LYPD6: variants seen among roughly 807,000 people sequenced by gnomAD.
LYPD6 encodes the protein ly6/PLAUR domain-containing protein 6.
A neutral mutation model predicts 22.7 loss-of-function variants in LYPD6; 15 were observed. That is an observed-to-expected ratio of 0.66 (90% CI 0.44 to 1.02). The LOEUF (loss-of-function observed/expected upper bound fraction) is 1.02, where lower values mean the gene tolerates loss of function less well. Among genes scored for constraint, LYPD6 ranks in the 50% least tolerant of loss-of-function variants. The pLI, the probability that LYPD6 is intolerant of heterozygous loss-of-function variation, is 0.00. For missense variants in LYPD6, 189 were observed against 208.4 expected (o/e 0.91, Z 0.57); for synonymous variants, 72 against 77.5 (o/e 0.93, Z 0.37).
intron 3 of LYPD6, among the ~76,000 whole-genome samples, chr2:149,452,181 C>G (rs1480739726): frequency 1.3e-5 from 2 of 152,108 alleles, no homozygotes; most frequent in Non-Finnish European, 2.9e-5. Flanking sequence ...GGAGTAGCAA[C>G]TAGTTTGTAT....
intron 1 of LYPD6, among the ~76,000 whole-genome samples, chr2:149,343,114 A>G (rs1210929941): frequency 6.6e-6 from 1 of 152,204 alleles, no homozygotes; most frequent in Non-Finnish European, 1.5e-5. Context: ...AGAAAGGTCC[A>G]GTGCCATAGC....
At chr2:149,408,932 T>G (rs1482311230) in intron 1 of LYPD6, among the ~76,000 whole-genome samples, 1 of 152,214 alleles carries the variant, frequency 6.6e-6, no homozygotes, top group Admixed American at 6.5e-5. Flanking sequence ...TTGTCTTGTT[T>G]TGGATTAATT....
intron 4 of LYPD6, among the ~76,000 whole-genome samples, chr2:149,469,240 T>A (rs1381328478): frequency 6.6e-6 from 1 of 152,166 alleles, no homozygotes; most frequent in East Asian, 1.9e-4. Flanking sequence ...AGTCATTTGA[T>A]AGGTGATGGA....
chr2:149,373,051 A>T (rs1213840302), intron 1 of LYPD6, among the ~76,000 whole-genome samples: 1 of 152,012 alleles, frequency 6.6e-6, no homozygotes, highest in East Asian at 1.9e-4. Context: ...GTTGGAGGGG[A>T]CTAAGTGAGA....
At chr2:149,371,256 C>T (rs979952453) in intron 1 of LYPD6, among the ~76,000 whole-genome samples, 6 of 152,122 alleles carry the variant, frequency 3.9e-5, no homozygotes, top group African/African-American at 1.2e-4. Flanking sequence ...TGGCAAAGCA[C>T]GTATCTAAGG....
At chr2:149,457,670 C>G (rs981457517) in intron 3 of LYPD6, among the ~76,000 whole-genome samples, 13 of 152,110 alleles carry the variant, frequency 8.5e-5, no homozygotes, top group Non-Finnish European at 1.9e-4. Flanking sequence ...CTGCCCAAAA[C>G]AAAATTATCT....
intron 1 of LYPD6, among the ~76,000 whole-genome samples, chr2:149,369,087 G>T (rs1452199727): frequency 6.6e-6 from 1 of 152,030 alleles, no homozygotes; most frequent in Non-Finnish European, 1.5e-5. Context: ...ACCCAGAGGA[G>T]AAATAGGGTG....
At chr2:149,343,843 C>T (rs958121881) in intron 1 of LYPD6, among the ~76,000 whole-genome samples, 1 of 151,944 alleles carries the variant, frequency 6.6e-6, no homozygotes, top group African/African-American at 2.4e-5. Flanking sequence ...ATCAGCACTT[C>T]CAAAGGAGGA....
chr2:149,459,307 A>G (rs933535472), intron 3 of LYPD6, among the ~76,000 whole-genome samples: 1 of 152,232 alleles, frequency 6.6e-6, no homozygotes, highest in Non-Finnish European at 1.5e-5. Flanking sequence ...AATATCCTTC[A>G]GGAATGTGAA....
chr2:149,405,267 T>C (rs997793801), intron 1 of LYPD6, among the ~76,000 whole-genome samples: 3 of 152,084 alleles, frequency 2.0e-5, no homozygotes, highest in African/African-American at 7.2e-5. Context: ...TTAGGGAGGA[T>C]TCCCTCTTTT....
intron 1 of LYPD6, among the ~76,000 whole-genome samples, chr2:149,421,570 G>A (rs2105133107): frequency 6.6e-6 from 1 of 152,120 alleles, no homozygotes; most frequent in Non-Finnish European, 1.5e-5. Context: ...GTTTTTGTAG[G>A]TCGAAAATGA....
intron 1 of LYPD6, among the ~76,000 whole-genome samples, chr2:149,342,813 G>C (rs1486825479): frequency 6.6e-6 from 1 of 152,162 alleles, no homozygotes; most frequent in Non-Finnish European, 1.5e-5. Context: ...ATCAGCATCA[G>C]CTCCCCACAG....
intron 1 of LYPD6, among the ~76,000 whole-genome samples, chr2:149,376,590 A>G (rs1427546808): frequency 2.0e-5 from 3 of 152,238 alleles, no homozygotes; most frequent in African/African-American, 4.8e-5. Context: ...GCAATTAATA[A>G]TATTGCAATT....
the LYPD6 span, among the ~76,000 whole-genome samples, chr2:149,484,135 C>T: frequency 0.072 from 11,025 of 152,252 alleles, 802 homozygotes; most frequent in African/African-American, 0.19. Flanking sequence ...TAAGTTTCCA[C>T]TTACTTGAAT....
intron 1 of LYPD6, among the ~76,000 whole-genome samples, chr2:149,398,158 G>C (rs1282105488): frequency 6.6e-6 from 1 of 152,136 alleles, no homozygotes; most frequent in Non-Finnish European, 1.5e-5. Flanking sequence ...ACCTGGTACT[G>C]GACGAGCTCT....
rs115190238 is a variant in LYPD6, at chr2:149,459,377, C to T, written c.218-9268C>T. On this transcript the variant is annotated intron_variant, in intron 3 of 4. Transcript: ENST00000334166. ...GAGAATTTGTCACTAGCAGACCTAC[C>T]TTAAAAGAATGGCTGAAGGAAGCTC... is the stretch of plus-strand genomic sequence containing the variant. Among the ~76,000 whole-genome samples the T allele has an allele frequency of 2.7e-3, 404 of 152,164 alleles. 6 individuals carry two copies. The highest frequency in any genetic ancestry group is 8.6e-3 in the African/African-American group (356 of 41,512).
intron 1 of LYPD6, among the ~76,000 whole-genome samples, chr2:149,391,495 C>A (rs956691587): frequency 2.0e-5 from 3 of 151,818 alleles, no homozygotes; most frequent in African/African-American, 7.3e-5. Context: ...GTTACTGGAG[C>A]TGTGTGATCT....
chr2:149,409,744 A>T (rs1682811950), intron 1 of LYPD6, among the ~76,000 whole-genome samples: 2 of 152,088 alleles, frequency 1.3e-5, no homozygotes, highest in Non-Finnish European at 2.9e-5. Flanking sequence ...GCTGGCAGTC[A>T]CTGGCTTCGT....
intron 1 of LYPD6, among the ~76,000 whole-genome samples, chr2:149,415,984 A>C (rs2105127346): frequency 6.6e-6 from 1 of 152,240 alleles, no homozygotes; most frequent in Non-Finnish European, 1.5e-5. Flanking sequence ...GCCCAGCCTA[A>C]CCTGTAATTC....
Sources: gnomAD v4.1 joint callset for allele counts (sites outside exome capture counted in the v4.1 genomes callset) on GRCh38, gnomAD v4.1.1 for gene constraint, MANE v1.5 for transcripts, NCBI Gene and HGNC (gene_info 2026-07-23, HGNC 2026-07-21) for gene names.